GRM8: variants seen among roughly 807,000 people sequenced by gnomAD.
GRM8 encodes the protein metabotropic glutamate receptor 8.
Under a neutral mutation model 87.2 loss-of-function variants are expected in GRM8, and 47 were observed. The ratio of observed to expected loss-of-function variants is 0.54; its 90% CI spans 0.43 to 0.69. GRM8 has a LOEUF of 0.69. Among genes scored for constraint, GRM8 ranks in the 30% least tolerant of loss-of-function variants. The pLI, the probability that GRM8 is intolerant of heterozygous loss-of-function variation, is 0.00. For synonymous variants in GRM8, 396 were observed against 404.5 expected (o/e 0.98, Z 0.25); for missense variants, 1,019 against 1,139.2 (o/e 0.89, Z 1.52).
chr7:127,133,706 C>CAAAAA, intron 2 of GRM8, among the ~76,000 whole-genome samples: 1 of 98,774 alleles, frequency 1.0e-5, no homozygotes, highest in Non-Finnish European at 2.1e-5. Flanking sequence ...ACTCCCTCTC[C>CAAAAA]AAAAAAAAAA....
intron 7 of GRM8, among the ~76,000 whole-genome samples, chr7:126,767,931 A>C (rs1818371427): frequency 6.6e-6 from 1 of 152,038 alleles, no homozygotes; most frequent in Non-Finnish European, 1.5e-5. Flanking sequence ...CATAACCCTC[A>C]TCTGAGCTAT....
intron 8 of GRM8, among the ~76,000 whole-genome samples, chr7:126,544,049 G>A (rs964383710): frequency 1.3e-5 from 2 of 152,122 alleles, no homozygotes; most frequent in Non-Finnish European, 2.9e-5. Flanking sequence ...CTCCAGACAG[G>A]TAGATATGTT....
intron 9 of GRM8, among the ~76,000 whole-genome samples, chr7:126,506,260 TAC>T (rs952351537): frequency 1.3e-5 from 2 of 151,540 alleles, no homozygotes; most frequent in Non-Finnish European, 2.9e-5. Context: ...TACGTGTATC[TAC>T]ACACACACAC....
chr7:126,929,117 C>T (rs1204653070), intron 3 of GRM8, among the ~76,000 whole-genome samples: 4 of 152,144 alleles, frequency 2.6e-5, no homozygotes, highest in African/African-American at 9.7e-5. Flanking sequence ...AGGAAATTTG[C>T]TTAAAGGAAT....
intron 7 of GRM8, among the ~76,000 whole-genome samples, chr7:126,741,223 T>C (rs1340963089): frequency 6.6e-6 from 1 of 151,418 alleles, no homozygotes; most frequent in Non-Finnish European, 1.5e-5. Context: ...ATTCCGTAAA[T>C]CTGTGTGCGT....
intron 2 of GRM8, among the ~76,000 whole-genome samples, chr7:127,127,974 T>C (rs574313058): frequency 6.6e-6 from 1 of 152,218 alleles, no homozygotes; most frequent in South Asian, 2.1e-4. Flanking sequence ...TCTCGGCGTC[T>C]TGACATATCT....
At chr7:127,141,330 C>T (rs1418618824) in intron 2 of GRM8, among the ~76,000 whole-genome samples, 2 of 151,462 alleles carry the variant, frequency 1.3e-5, no homozygotes, top group African/African-American at 4.9e-5. Flanking sequence ...GGCACTCAGA[C>T]CTGAGTAGAT....
intron 2 of GRM8, among the ~76,000 whole-genome samples, chr7:127,202,229 C>T (rs1323938224): frequency 6.8e-6 from 1 of 147,854 alleles, no homozygotes; most frequent in African/African-American, 2.5e-5. Context: ...ACCCAGGCTG[C>T]AGTATAGTGA....
intron 3 of GRM8, among the ~76,000 whole-genome samples, chr7:126,922,908 G>C (rs748250246): frequency 3.3e-5 from 5 of 152,070 alleles, no homozygotes; most frequent in Admixed American, 6.6e-5. Context: ...TCTACCATGA[G>C]TAAAAGCTCC....
chr7:126,665,128 C>G (rs558395098), intron 7 of GRM8, among the ~76,000 whole-genome samples: 1 of 152,036 alleles, frequency 6.6e-6, no homozygotes, highest in East Asian at 1.9e-4. Flanking sequence ...GTTGGTAAGG[C>G]TGTGGAGAAA....
chr7:126,539,432 T>C (rs1019549867), intron 8 of GRM8, among the ~76,000 whole-genome samples: 1 of 152,032 alleles, frequency 6.6e-6, no homozygotes, highest in African/African-American at 2.4e-5. Flanking sequence ...TCACTGAAAT[T>C]GATCATCTGA....
chr7:126,615,204 A>G (rs1199102282), intron 7 of GRM8, among the ~76,000 whole-genome samples: 1 of 152,214 alleles, frequency 6.6e-6, no homozygotes, highest in Non-Finnish European at 1.5e-5. Flanking sequence ...GCCAGAAGAG[A>G]GTGGGGGCCA....
intron 6 of GRM8, among the ~76,000 whole-genome samples, chr7:126,792,307 C>T (rs977272630): frequency 2.6e-5 from 4 of 152,204 alleles, no homozygotes; most frequent in Non-Finnish European, 5.9e-5. Context: ...GTAATCAAAG[C>T]AGTATTTAAA....
chr7:126,987,162 G>A (rs1812153621), intron 3 of GRM8, among the ~76,000 whole-genome samples: 1 of 152,164 alleles, frequency 6.6e-6, no homozygotes, highest in South Asian at 2.1e-4. Context: ...ATATAAAGGT[G>A]TTATAGCTTT....
chr7:127,238,306 A>ATGTGTGTG (rs3039798), intron 2 of GRM8, among the ~76,000 whole-genome samples: 10 of 146,864 alleles, frequency 6.8e-5, no homozygotes, highest in Middle Eastern at 3.4e-3. Context: ...GTGTGTGTGC[A>ATGTGTGTG]TGTGTGTGTG....
rs376147667 is a variant in GRM8 at position 127,241,714 on chromosome 7, C to T, written c.510+981G>A. Among the ~76,000 whole-genome samples, 14 of 152,156 alleles carry T rather than the reference C, an allele frequency of 9.2e-5. 1 individual carries two copies. In the South Asian group the frequency reaches 2.5e-3, roughly 27 times the overall value. On this transcript the variant is annotated intron_variant, in intron 2 of 10. Coordinates refer to ENST00000339582, the MANE Select transcript of GRM8 (RefSeq NM_000845.3). The stretch of plus-strand genomic sequence containing the variant: ...CCTCCCAAAGTGCTGGGATTACAGG[C>T]GTGAGCCACTGCACCCAGCCAGGAA...
chr7:127,056,305 G>T (rs939168370), intron 3 of GRM8, among the ~76,000 whole-genome samples: 7 of 152,114 alleles, frequency 4.6e-5, no homozygotes, highest in Non-Finnish European at 8.8e-5. Flanking sequence ...TAAGTAAGTA[G>T]TCCAAAACTA....
intron 2 of GRM8, among the ~76,000 whole-genome samples, chr7:127,169,075 C>T (rs1399516898): frequency 2.7e-5 from 4 of 146,934 alleles, no homozygotes; most frequent in African/African-American, 5.1e-5. Flanking sequence ...CAAAAATAAG[C>T]CAGGAAAAAA....
chr7:127,133,601 G>A (rs1272053828), intron 2 of GRM8, among the ~76,000 whole-genome samples: 1 of 151,326 alleles, frequency 6.6e-6, no homozygotes, highest in African/African-American at 2.4e-5. Context: ...AGCTACTCGG[G>A]AGGCTGAGGC....
Sources: gnomAD v4.1 joint callset for allele counts (sites outside exome capture counted in the v4.1 genomes callset) on GRCh38, gnomAD v4.1.1 for gene constraint, MANE v1.5 for transcripts, NCBI Gene and HGNC (gene_info 2026-07-23, HGNC 2026-07-21) for gene names.